CARD9: variants seen among roughly 807,000 people sequenced by gnomAD.
The protein encoded by CARD9 is caspase recruitment domain-containing protein 9.
In CARD9, 53 loss-of-function variants were observed where a neutral mutation model predicts 66.0. That is an observed-to-expected ratio of 0.80 (90% confidence interval 0.64 to 1.01). CARD9 has a LOEUF of 1.01. CARD9 is among the 50% of genes least tolerant of loss of function. The probability of loss-of-function intolerance (pLI) is 0.00; values close to 1 mark genes in which losing one functional copy is unlikely to be tolerated. For synonymous variants in CARD9, 387 were observed against 313.8 expected, an observed-to-expected ratio of 1.23 and a Z score of -2.47; for missense variants, 769 against 743.2, an observed-to-expected ratio of 1.03 and a Z score of -0.40.
Position 136,364,416 on chromosome 9 carries a change from G to C in CARD9, c.1512-15C>G, listed in dbSNP as rs779306309. The C allele has an allele frequency of 1.2e-5, 19 of 1,544,918 alleles. No homozygotes were observed. The East Asian group carries it at 3.9e-4, about 32-fold the overall frequency. ...GGGCGCGCTTCCTGTGAAGACAGGTGTCTCAGGCGCGACCCGGCTGCCGCT... is the reference window on the plus strand; with the variant it reads ...GGGCGCGCTTCCTGTGAAGACAGGTCTCTCAGGCGCGACCCGGCTGCCGCT... On this transcript the variant is annotated splice_polypyrimidine_tract_variant and intron_variant, in intron 12 of 12. Coordinates refer to ENST00000371732, the MANE Select transcript of CARD9 (RefSeq NM_052813.5).
At chr9:136,369,700 T>C in intron 7 of CARD9, 50 bp downstream of exon 7, 7 of 1,553,438 alleles carry the variant, frequency 4.5e-6, no homozygotes, top group Non-Finnish European at 5.2e-6. Context: ...GTGGCCCTGG[T>C]GCACCCACCC....
Position 136,370,504 on chromosome 9 carries a change from C to G in CARD9, c.807+18G>C. On this transcript the variant is annotated intron_variant, in intron 5 of 12. Coordinates refer to ENST00000371732, the MANE Select transcript of CARD9 (RefSeq NM_052813.5). ...CACTGCCCTGCCTGGGCTGCACCTG[C>G]CCTGCCTACGGCCCCACCTGGACGG... 2.5e-6 allele frequency: 4 copies of G among 1,601,366 alleles called. No individual in the cohort carries two copies. The highest frequency in any genetic ancestry group is 3.4e-6 in the Non-Finnish European group (4 of 1,175,642).
At chr9:136,372,418 G>A (rs1338650142) in intron 1 of CARD9, among the ~76,000 whole-genome samples, 1 of 152,204 alleles carries the variant, frequency 6.6e-6, no homozygotes, top group Non-Finnish European at 1.5e-5. Context: ...GTCTGAGAGA[G>A]GAACTCCCCC....
Position 136,367,749 on chromosome 9 carries a change from C to A in CARD9, c.1157G>T (p.Arg386Leu). 1 of 1,605,570 alleles carries A rather than the reference C, an allele frequency of 6.2e-7. No individual in the cohort carries two copies. Among genetic ancestry groups the A allele is most frequent in the Non-Finnish European group, 8.5e-7 (1 of 1,179,576 alleles). ...CTCATCCGCCTTCTCGCCCAGCTCC[C>A]GCACCTGCTTGCGCAGCGCGTCCTT... Reference protein sequence around the residue: ...QEKDALRKQVRELGEKADELQ... With the variant: ...QEKDALRKQVLELGEKADELQ... Residue 386 changes from arginine to leucine, a missense_variant, in exon 8 of 13, where the codon CGG becomes CTG. Arg to Leu is a moderately radical substitution (Grantham distance 102). Coordinates refer to ENST00000371732, the MANE Select transcript of CARD9 (RefSeq NM_052813.5).
chr9:136,368,578 T>C (rs1161792264), intron 7 of CARD9, among the ~76,000 whole-genome samples: 1 of 152,240 alleles, frequency 6.6e-6, no homozygotes, highest in Non-Finnish European at 1.5e-5. Flanking sequence ...CCATCCAGCA[T>C]TTAGCCGAAG....
chr9:136,367,830 TGA>T lies in CARD9; in HGVS notation c.1078-4_1078-3del. On this transcript the variant is annotated splice_polypyrimidine_tract_variant and splice_region_variant and intron_variant, in intron 7 of 12. Transcript: ENST00000371732. ...CAGCTCCTCCCGCGTGGCTATGGCC[TGA>T]CGGGACAGCACAAGGCCGACCCTCA... 6.3e-7 allele frequency: 1 copy of T among 1,598,096 alleles called. No individual in the cohort carries two copies. The highest frequency in any genetic ancestry group is 1.7e-5 in the Admixed American group (1 of 59,862).
At position 136,365,150 on chromosome 9, in the gene CARD9, C is replaced by T. The variant is rs1392119555; in HGVS notation, c.1425G>A (p.Arg475=). 6.2e-7 allele frequency: 1 copy of T among 1,612,098 alleles called. No individual in the cohort carries two copies. The highest frequency in any genetic ancestry group is 1.3e-5 in the African/African-American group (1 of 74,912). The change falls in exon 11 of 13, where the codon CGG becomes CGA. Residue 475 remains arginine, a synonymous_variant. Coordinates refer to ENST00000371732, the MANE Select transcript of CARD9 (RefSeq NM_052813.5). ...CCCGGGGAAGCCTTACATGGGGGTTCCGCAAAACCTGCTCCTGGTGCAGAG... is the reference window on the plus strand; with the variant it reads ...CCCGGGGAAGCCTTACATGGGGGTTTCGCAAAACCTGCTCCTGGTGCAGAG... ...FAALHQEQVL[R]NPHDAGLSSG... is the part of the protein sequence containing the mutation.
chr9:136,365,032 C>G (rs1401423647), intron 11 of CARD9, 109 bp downstream of exon 11: 1 of 1,043,496 alleles, frequency 9.6e-7, no homozygotes, highest in Non-Finnish European at 1.4e-6. Flanking sequence ...CACTCCTCAG[C>G]TGTCGTCGGG....
chr9:136,367,553 GA>G, intron 8 of CARD9, 83 bp downstream of exon 8: 1 of 1,459,966 alleles, frequency 6.8e-7, no homozygotes. Context: ...GTTGGGTCGG[GA>G]AGGCCGGGGC....
chr9:136,367,883 C>T (rs1833164418), intron 7 of CARD9, 55 bp from the exon 8 acceptor site: 2 of 1,544,260 alleles, frequency 1.3e-6, no homozygotes, highest in Non-Finnish European at 1.7e-6. Context: ...TTGCCCTGGG[C>T]CCTCGGCCCG....
At chr9:136,370,465 G>C in intron 5 of CARD9, 28 bp from the exon 6 acceptor site, 1 of 1,606,602 alleles carries the variant, frequency 6.2e-7, no homozygotes, top group Non-Finnish European at 8.5e-7. Context: ...CAATGGCCTG[G>C]CTGGGAAGGC....
intron 10 of CARD9, chr9:136,365,484 C>A (rs1387229836): frequency 5.4e-6 from 3 of 555,086 alleles, no homozygotes; most frequent in Non-Finnish European, 9.7e-6. Flanking sequence ...AGCTGGCTGC[C>A]TGCCAGGGAG....
At chr9:136,370,233 G>C (rs886519400) in intron 6 of CARD9, 61 bp downstream of exon 6, 11 of 1,572,430 alleles carry the variant, frequency 7.0e-6, no homozygotes, top group Non-Finnish European at 9.4e-6. Flanking sequence ...AGTGGGCGGA[G>C]CTCAGCCCGT....
In CARD9 at chr9:136,365,179, C is replaced by T; in HGVS notation, c.1396G>A (p.Ala466Thr). 2 of 1,611,420 alleles carry T rather than the reference C, an allele frequency of 1.2e-6. No individual in the cohort carries two copies. The highest frequency in any genetic ancestry group is 1.7e-6 in the Non-Finnish European group (2 of 1,179,848). The change falls in exon 11 of 13, where the codon GCA (alanine) becomes ACA (threonine). Residue 466 changes from alanine to threonine, a missense_variant. Transcript: ENST00000371732. ...AGGGSPKQPF[A>T]ALHQEQVLRN... ...AAAACCTGCTCCTGGTGCAGAGCTG[C>T]AAAGGGCTGTTTCGGGCTCCCCCCG...
chr9:136,372,486 C>T (rs1377900222), intron 1 of CARD9, among the ~76,000 whole-genome samples: 1 of 152,254 alleles, frequency 6.6e-6, no homozygotes. Flanking sequence ...GCCCTGGAGC[C>T]TGCAAGGTTA....
At chr9:136,369,491 G>A (rs574338488) in intron 7 of CARD9, among the ~76,000 whole-genome samples, 2 of 152,200 alleles carry the variant, frequency 1.3e-5, no homozygotes, top group African/African-American at 2.4e-5. Flanking sequence ...CTTTTTTTTA[G>A]TGTTAAGTAT....
chr9:136,365,039 C>T (rs1833086728), intron 11 of CARD9, 102 bp downstream of exon 11: 7 of 1,141,218 alleles, frequency 6.1e-6, no homozygotes, highest in Admixed American at 5.5e-5. Context: ...CAGCTGTCGT[C>T]GGGGCCACCG....
At chr9:136,366,069 G>A (rs1833117841) in intron 10 of CARD9, 1 of 152,872 alleles carries the variant, frequency 6.5e-6, no homozygotes. Context: ...CTGGTACTCA[G>A]GAAGCTTGTC....
rs1393110845 is a variant in CARD9, at chr9:136,364,274, G to A, written c.*28C>T. On this transcript the variant is annotated 3_prime_UTR_variant, in exon 13 of 13. Transcript: ENST00000371732. ...GGCAGGAGGCCGGGCCGGTGGGTGTGCCCTGGTCGGGGCCTGCGCTGCTGC... is the reference window on the plus strand; with the variant it reads ...GGCAGGAGGCCGGGCCGGTGGGTGTACCCTGGTCGGGGCCTGCGCTGCTGC... The A allele has an allele frequency of 2.6e-6, 4 of 1,551,464 alleles. No homozygotes were observed. Among genetic ancestry groups the A allele is most frequent in the Non-Finnish European group, 3.5e-6 (4 of 1,147,306 alleles).
Sources: gnomAD v4.1 joint callset for allele counts (sites outside exome capture counted in the v4.1 genomes callset) on GRCh38, gnomAD v4.1.1 for gene constraint, MANE v1.5 for transcripts, NCBI Gene and HGNC (gene_info 2026-07-23, HGNC 2026-07-21) for gene names.